Variants in FAM20A observed in about 807,000 individuals in gnomAD.
FAM20A encodes the protein pseudokinase FAM20A.
In FAM20A, 42 loss-of-function variants were observed where a neutral mutation model predicts 52.0. The ratio of observed to expected loss-of-function variants is 0.81; its 90% CI spans 0.63 to 1.04. FAM20A has a LOEUF of 1.04. Ranked by LOEUF, FAM20A falls within the 50% of genes least tolerant of loss-of-function variation. The pLI is 0.00. For missense variants in FAM20A, 742 were observed against 712.7 expected (o/e 1.04, Z -0.47); for synonymous variants, 304 against 298.9 (o/e 1.02, Z -0.18).
At chr17:68,572,793 G>A (rs767859978) in intron 1 of FAM20A, among the ~76,000 whole-genome samples, 2 of 151,504 alleles carry the variant, frequency 1.3e-5, no homozygotes, top group African/African-American at 2.4e-5. Flanking sequence ...TCTTCCCACC[G>A]CTCCATCTCA....
intron 1 of FAM20A, chr17:68,558,525 T>C (rs2087119193): frequency 4.8e-6 from 1 of 208,926 alleles, no homozygotes; most frequent in Admixed American, 5.4e-5. Flanking sequence ...TAAAGGCATA[T>C]GGCACCTCCC....
rs1239197032 is a variant in FAM20A at position 68,600,193 on chromosome 17, C to T, written c.404+70G>A. 2.6e-6 allele frequency: 4 copies of T among 1,519,322 alleles called. No individual in the cohort carries two copies. The highest frequency in any genetic ancestry group is 3.5e-6 in the Non-Finnish European group (4 of 1,132,010). 94.1% of individuals were successfully genotyped at this position (1,519,322 alleles called of 1,614,324 possible). A position where few individuals can be genotyped will look rare whatever the true frequency, so the allele number is the denominator to read the frequency against. ...GCCCTGGGCCGGGGGCGTCAGGAAA[C>T]TCGAGACTGGGGCGCGGGGAGGCCC... On this transcript the variant is annotated intron_variant, in intron 1 of 10. Coordinates refer to ENST00000592554, the MANE Select transcript of FAM20A (RefSeq NM_017565.4). This position sits in a 1 kb window ranked among gnomAD's most constrained non-coding sequence, Gnocchi z 6.2.
At chr17:68,591,895 CTT>C (rs2088324553) in intron 1 of FAM20A, 2 of 152,100 alleles carry the variant, frequency 1.3e-5, no homozygotes, top group Non-Finnish European at 2.9e-5. Context: ...TTCTTTTTTC[CTT>C]TTTGCCCAGT....
intron 4 of FAM20A, chr17:68,551,256 A>C (rs1234665947): frequency 4.3e-6 from 3 of 702,638 alleles, no homozygotes; most frequent in Non-Finnish European, 6.0e-6. Context: ...TATGTTTCAC[A>C]AAATTTTCAA....
chr17:68,542,583 A>G, intron 6 of FAM20A, 111 bp downstream of exon 6: 2 of 834,750 alleles, frequency 2.4e-6, no homozygotes, highest in South Asian at 1.4e-5. Context: ...CGCCCATCCC[A>G]GTAATGGATA....
chr17:68,559,240 A>G (rs188851380), intron 1 of FAM20A, among the ~76,000 whole-genome samples: 33 of 152,362 alleles, frequency 2.2e-4, no homozygotes, highest in African/African-American at 7.2e-4. Flanking sequence ...TTTTAAGCAT[A>G]TGCTTTCATT....
chr17:68,538,817 A>C (rs1030849418), intron 10 of FAM20A, among the ~76,000 whole-genome samples: 1 of 152,270 alleles, frequency 6.6e-6, no homozygotes, highest in African/African-American at 2.4e-5. Flanking sequence ...ATCCTAATTC[A>C]TCCTATGTGG....
chr17:68,550,994 C>T (rs2143650552), intron 4 of FAM20A: 1 of 1,084,908 alleles, frequency 9.2e-7, no homozygotes, highest in African/African-American at 1.6e-5. Context: ...ATCTGCCAGT[C>T]TAATTGTATT....
chr17:68,541,537 G>C (rs1600524275), intron 7 of FAM20A: 1 of 189,612 alleles, frequency 5.3e-6, no homozygotes, highest in Non-Finnish European at 1.1e-5. Flanking sequence ...TGGAGTACCT[G>C]CTATGTGCCA....
intron 4 of FAM20A, among the ~76,000 whole-genome samples, chr17:68,545,615 A>C (rs1023810496): frequency 7.9e-5 from 12 of 152,322 alleles, no homozygotes; most frequent in African/African-American, 2.9e-4. Context: ...GCAACTTTTA[A>C]AAATAAGACA....
At chr17:68,544,009 C>G (rs967964848) in intron 4 of FAM20A, among the ~76,000 whole-genome samples, 1 of 152,068 alleles carries the variant, frequency 6.6e-6, no homozygotes. Context: ...ATTTTCAAAA[C>G]CCAGCAGTTG....
intron 1 of FAM20A, among the ~76,000 whole-genome samples, chr17:68,591,550 C>T (rs2088308658): frequency 6.6e-6 from 1 of 152,210 alleles, no homozygotes; most frequent in Non-Finnish European, 1.5e-5. Flanking sequence ...GTGGGGAATA[C>T]TTAAAAAATA....
chr17:68,555,457 G>A (rs2087023044), intron 2 of FAM20A, 102 bp downstream of exon 2: 1 of 1,294,840 alleles, frequency 7.7e-7, no homozygotes, highest in Non-Finnish European at 1.1e-6. Context: ...AGGTGTCCAT[G>A]TCAAGCCTCT....
At position 68,575,310 on chromosome 17, in the gene FAM20A, T is replaced by A. The variant is rs182823113; in HGVS notation, c.405-19567A>T. The stretch of plus-strand genomic sequence containing the variant: ...GCCTGTAATCTTAGCACTTTGAGAG[T>A]CCAAGGCAGGAGGATTGCCTGAGGC... On this transcript the variant is annotated intron_variant, in intron 1 of 10. Coordinates refer to ENST00000592554, the MANE Select transcript of FAM20A (RefSeq NM_017565.4). The A allele has an allele frequency of 2.1e-3, 310 of 148,464 alleles. 1 individual carries two copies. Among genetic ancestry groups the A allele is most frequent in the African/African-American group, 7.1e-3 (285 of 40,154 alleles). 9.2% of individuals were successfully genotyped at this position (148,464 alleles called of 1,614,324 possible).
chr17:68,600,878 A>C lies in FAM20A; in HGVS notation c.-212T>G. 1 of 519,174 alleles carries C rather than the reference A, an allele frequency of 1.9e-6. No homozygotes were observed. The highest frequency in any genetic ancestry group is 3.4e-5 in the East Asian group (1 of 29,488). 32.2% of individuals were successfully genotyped at this position (519,174 alleles called of 1,614,324 possible). A position where few individuals can be genotyped will look rare whatever the true frequency, so the allele number is the denominator to read the frequency against. Reference sequence around the variant, plus strand: ...GTGCACGGAGCACCGGGGCTCTCGGAGTCAGCGGGCGTCGCTTCTCCGCGC... The same window carrying C: ...GTGCACGGAGCACCGGGGCTCTCGGCGTCAGCGGGCGTCGCTTCTCCGCGC... On this transcript the variant is annotated 5_prime_UTR_variant, in exon 1 of 11. Transcript: ENST00000592554. The surrounding 1 kb of genome is among the most constrained non-coding windows in gnomAD (Gnocchi z 6.2).
chr17:68,539,307 G>T, intron 10 of FAM20A, 30 bp downstream of exon 10: 1 of 1,612,078 alleles, frequency 6.2e-7, no homozygotes, highest in Non-Finnish European at 8.5e-7. Flanking sequence ...ACTGTTACTT[G>T]CCCGTATTAT....
At chr17:68,540,020 T>C in intron 8 of FAM20A, 54 bp from the exon 9 acceptor site, 2 of 1,486,518 alleles carry the variant, frequency 1.3e-6, no homozygotes, top group Non-Finnish European at 1.9e-6. Context: ...GGACAGGTGC[T>C]CCTGACCTGA....
At chr17:68,592,132 ACT>A (rs1303649927) in intron 1 of FAM20A, among the ~76,000 whole-genome samples, 5 of 140,294 alleles carry the variant, frequency 3.6e-5, no homozygotes, top group Admixed American at 6.9e-5. Flanking sequence ...CTGCAATGAA[ACT>A]CTGGTTAACA....
chr17:68,597,941 C>T (rs2088499550), intron 1 of FAM20A: 1 of 151,740 alleles, frequency 6.6e-6, no homozygotes, highest in Non-Finnish European at 1.5e-5. Context: ...TGAGTGACTC[C>T]CTTTCACAAT....
Sources: allele counts gnomAD v4.1 joint callset (sites outside exome capture counted in the v4.1 genomes callset), GRCh38; gene constraint gnomAD v4.1.1; non-coding constraint Gnocchi (gnomAD v3.1); transcripts MANE v1.5; gene names NCBI Gene and HGNC (gene_info 2026-07-23, HGNC 2026-07-21).